The following KRTAP5-4 variants were observed in gnomAD, a reference collection of about 807,000 sequenced individuals.
KRTAP5-4 encodes the protein keratin associated protein 5-4.
In KRTAP5-4, 1 loss-of-function variant was observed where a neutral mutation model predicts 2.6. The ratio of observed to expected loss-of-function variants is 0.39; its 90% CI spans 0.14 to 1.85. The LOEUF is 1.85. Ranked by LOEUF, KRTAP5-4 falls within the 40% of genes most tolerant of loss-of-function variation. The pLI is 0.32. For missense variants in KRTAP5-4, 195 were observed against 276.9 expected, an observed-to-expected ratio of 0.70 and a Z score of 2.10; for synonymous variants, 83 against 113.1, an observed-to-expected ratio of 0.73 and a Z score of 1.69.
chr11:1,622,127 G>T lies in KRTAP5-4; in HGVS notation c.-34C>A, dbSNP rs776760590. On this transcript the variant is annotated 5_prime_UTR_variant, in exon 1 of 1. Transcript: ENST00000399682. ...TGGATTGAGGGTGGAGCAGGTAGAG[G>T]AGCAGATGAGATGGAGGTGCAGGTG... The T allele has an allele frequency of 1.9e-6, 3 of 1,606,934 alleles. No homozygotes were observed. The highest frequency in any genetic ancestry group is 2.5e-6 in the Non-Finnish European group (3 of 1,177,042).
chr11:1,621,609 T>C lies in KRTAP5-4; in HGVS notation c.485A>G (p.Lys162Arg). 6.2e-7 allele frequency: 1 copy of C among 1,613,724 alleles called. No individual in the cohort carries two copies. Among genetic ancestry groups the C allele is most frequent in the Non-Finnish European group, 8.5e-7 (1 of 1,179,812 alleles). ...GSSCCQSSCCKPCCSSSGCGS... is the reference protein window; with the variant it reads ...GSSCCQSSCCRPCCSSSGCGS... ...ACAACCTGAGGAGGAGCAGCAGGGC[T>C]TACAGCAGCTGGACTGGCAGCAGGA... The change falls in exon 1 of 1, where the codon AAG (lysine) becomes AGG (arginine). Residue 162 changes from lysine (K) to arginine (R), a missense_variant. Coordinates refer to ENST00000399682, the MANE Select transcript of KRTAP5-4 (RefSeq NM_001347674.1).
In KRTAP5-4 at chr11:1,621,614, G is replaced by T; in HGVS notation, c.480C>A (p.Cys160Ter). The T allele has an allele frequency of 6.2e-7, 1 of 1,613,860 alleles. No individual in the cohort carries two copies. Among genetic ancestry groups the T allele is most frequent in the Non-Finnish European group, 8.5e-7 (1 of 1,179,848 alleles). Residue 160 changes from cysteine to a stop codon, truncating the protein, a stop_gained, in exon 1 of 1, where the codon TGC becomes TGA. Coordinates refer to ENST00000399682, the MANE Select transcript of KRTAP5-4 (RefSeq NM_001347674.1). LOFTEE classifies it low-confidence loss of function (END_TRUNC). ...CTGAGGAGGAGCAGCAGGGCTTACA[G>T]CAGCTGGACTGGCAGCAGGATGACC... ...GCGSSCCQSS[C>*]CKPCCSSSGC...
rs6578597 is a variant in KRTAP5-4, at chr11:1,621,654, A to C, written c.440T>G (p.Phe147Cys). 0.69 allele frequency: 1,079,979 copies of C among 1,554,018 alleles called. 375,683 individuals carry two copies. The highest frequency in any genetic ancestry group is 0.77 in the Middle Eastern group (4,386 of 5,710). ...SQCSCCKPCC[F>C]SSGCGSSCCQ... ...GCAGGATGACCCACAGCCTGAAGAG[A>C]AGCAGCAGGGCTTACAGCAGCTGCA... Residue 147 changes from phenylalanine to cysteine, a missense_variant, in exon 1 of 1, where the codon TTC becomes TGC. Physicochemically the swap from Phe to Cys is radical, Grantham distance 205. Coordinates refer to ENST00000399682, the MANE Select transcript of KRTAP5-4 (RefSeq NM_001347674.1).
chr11:1,621,864 G>A lies in KRTAP5-4; in HGVS notation c.230C>T (p.Ser77Phe). 6.3e-7 allele frequency: 1 copy of A among 1,588,006 alleles called. No homozygotes were observed. Among genetic ancestry groups the A allele is most frequent in the Non-Finnish European group, 8.5e-7 (1 of 1,173,342 alleles). The change falls in exon 1 of 1, where the codon TCC becomes TTC. Residue 77 changes from serine to phenylalanine, a missense_variant. By Grantham distance (155) the Ser-to-Phe change is radical. Transcript: ENST00000399682. ...SCSSCGSCGG[S>F]KGGYGSCGGS... ...CCCACAAGAGCCATAGCCCCCCTTGGAGCCCCCACAGGAGCCACAGCTGGA... is the reference window on the plus strand; with the variant it reads ...CCCACAAGAGCCATAGCCCCCCTTGAAGCCCCCACAGGAGCCACAGCTGGA...
chr11:1,621,696 G>A lies in KRTAP5-4; in HGVS notation c.398C>T (p.Ser133Phe), dbSNP rs759441845. ...SCGGSKGGCG[S>F]CGCSQCSCCK... Reference sequence around the variant, plus strand: ...GCAGCTGCACTGGGAGCAGCCACAAGAGCCACAGCCTCCTTTGGAGCCCCC... The same window carrying A: ...GCAGCTGCACTGGGAGCAGCCACAAAAGCCACAGCCTCCTTTGGAGCCCCC... The change falls in exon 1 of 1, where the codon TCT becomes TTT. Residue 133 changes from serine to phenylalanine, a missense_variant. Physicochemically the swap from Ser to Phe is radical, Grantham distance 155. Coordinates refer to ENST00000399682, the MANE Select transcript of KRTAP5-4 (RefSeq NM_001347674.1). 6 of 1,613,330 alleles carry A rather than the reference G, an allele frequency of 3.7e-6. No individual in the cohort carries two copies. Among genetic ancestry groups the A allele is most frequent in the Non-Finnish European group, 5.1e-6 (6 of 1,179,780 alleles).
In KRTAP5-4 at chr11:1,621,384, A is replaced by G; in HGVS notation, c.*23T>C. The G allele has an allele frequency of 6.2e-7, 1 of 1,613,518 alleles. No individual in the cohort carries two copies. Among genetic ancestry groups the G allele is most frequent in the South Asian group, 1.1e-5 (1 of 91,058 alleles). ...TTGGAAGACAGGATTAGCAGGACTC[A>G]CATGAGGCCTGAGTCCAGAGCCTCA... On this transcript the variant is annotated 3_prime_UTR_variant, in exon 1 of 1. Coordinates refer to ENST00000399682, the MANE Select transcript of KRTAP5-4 (RefSeq NM_001347674.1).
Position 1,622,089 on chromosome 11 carries a change from C to G in KRTAP5-4, c.5G>C (p.Gly2Ala). Residue 2 changes from glycine (G) to alanine (A), a missense_variant, in exon 1 of 1, where the codon GGC (glycine) becomes GCC (alanine). Physicochemically the swap from Gly to Ala is moderately conservative, Grantham distance 60. Transcript: ENST00000399682. ...ACAGCCTCCAGAGCAGCCACAGCAG[C>G]CCATGGTTCTGGTGGATTGAGGGTG... M[G>A]CCGCSGGCGS... is the part of the protein sequence containing the mutation. The G allele has an allele frequency of 2.0e-5, 32 of 1,611,992 alleles. No individual in the cohort carries two copies. The highest frequency in any genetic ancestry group is 2.6e-5 in the Non-Finnish European group (31 of 1,179,670).
In KRTAP5-4 at chr11:1,621,962, G is replaced by A. The variant is rs1348143664; in HGVS notation, c.132C>T (p.Gly44=). The A allele has an allele frequency of 1.3e-6, 2 of 1,559,112 alleles. No individual in the cohort carries two copies. Among genetic ancestry groups the A allele is most frequent in the Admixed American group, 3.5e-5 (2 of 57,478 alleles). The change falls in exon 1 of 1, where the codon GGC becomes GGT. Residue 44 remains glycine, a synonymous_variant. Coordinates refer to ENST00000399682, the MANE Select transcript of KRTAP5-4 (RefSeq NM_001347674.1). ...TGGGCACACAGCAGCTGGAGCCACA[G>A]CCCCCACAGCCGGAGCCACAGCCCC... ...GCGGCGSGCG[G]CGSSCCVPIC...
Position 1,621,995 on chromosome 11 carries a change from G to A in KRTAP5-4, c.99C>T (p.Ser33=), listed in dbSNP as rs28421796. 40 of 1,313,256 alleles carry A rather than the reference G, an allele frequency of 3.0e-5. No homozygotes were observed. The highest frequency in any genetic ancestry group is 9.1e-5 in the East Asian group (3 of 33,136). 81.4% of individuals were successfully genotyped at this position (1,313,256 alleles called of 1,614,324 possible). A position where few individuals can be genotyped will look rare whatever the true frequency, so the allele number is the denominator to read the frequency against. The change falls in exon 1 of 1, where the codon TCC becomes TCT. Residue 33 remains serine, a synonymous_variant. Transcript: ENST00000399682. ...AGCCGGAGCCACAGCCCCCACAGCC[G>A]GAGCCACAGCCCCCACAGCCAGAGC... The part of the protein sequence containing the change: ...GCGSGCGGCG[S]GCGGCGSGCG...
chr11:1,622,040 G>A lies in KRTAP5-4; in HGVS notation c.54C>T (p.Gly18=), dbSNP rs200863415. ...CAGAGCCACAGCCCCCACAGCCGGA[G>A]CCACAGCCCCCACAGCCGGAGCCAC... ...GGCGSGCGGC[G]SGCGGCGSGC... The change falls in exon 1 of 1, where the codon GGC becomes GGT. Residue 18 remains glycine, a synonymous_variant. Coordinates refer to ENST00000399682, the MANE Select transcript of KRTAP5-4 (RefSeq NM_001347674.1). 1,055 of 1,555,328 alleles carry A rather than the reference G, an allele frequency of 6.8e-4. 4 individuals carry two copies. The highest frequency in any genetic ancestry group is 6.5e-3 in the Admixed American group (372 of 56,958).
rs963347413 is a variant in KRTAP5-4 at position 1,620,994 on chromosome 11, A to G, written c.*413T>C. Reference sequence around the variant, plus strand: ...CGAGACTCCATCTCAAAAAAAAAAAAAAAAAAAAAAAGATACAGCAGAGTG... The same window carrying G: ...CGAGACTCCATCTCAAAAAAAAAAAGAAAAAAAAAAAGATACAGCAGAGTG... On this transcript the variant is annotated 3_prime_UTR_variant, in exon 1 of 1. Coordinates refer to ENST00000399682, the MANE Select transcript of KRTAP5-4 (RefSeq NM_001347674.1). The G allele has an allele frequency of 7.0e-5, 12 of 171,094 alleles. No homozygotes were observed. Among genetic ancestry groups the G allele is most frequent in the African/African-American group, 2.9e-4 (12 of 41,440 alleles). 10.6% of individuals were successfully genotyped at this position (171,094 alleles called of 1,614,324 possible).
At position 1,621,277 on chromosome 11, in the gene KRTAP5-4, G is replaced by A. The variant is rs1849593399; in HGVS notation, c.*130C>T. On this transcript the variant is annotated 3_prime_UTR_variant, in exon 1 of 1. Coordinates refer to ENST00000399682, the MANE Select transcript of KRTAP5-4 (RefSeq NM_001347674.1). ...GGTGGACTCTTCTTAGGAAAAGGCA[G>A]CCAGATATGGCATCGTTCTACAGCA... 2.0e-6 allele frequency: 3 copies of A among 1,518,850 alleles called. No individual in the cohort carries two copies. Among genetic ancestry groups the A allele is most frequent in the African/African-American group, 2.8e-5 (2 of 72,430 alleles). The allele number at this position is 1,518,850 out of a possible 1,614,324, so 94.1% of individuals were successfully genotyped here. A position where few individuals can be genotyped will look rare whatever the true frequency, so the allele number is the denominator to read the frequency against.
Position 1,621,921 on chromosome 11 carries a change from G to A in KRTAP5-4, c.173C>T (p.Pro58Leu). The A allele has an allele frequency of 6.2e-7, 1 of 1,606,326 alleles. No individual in the cohort carries two copies. Among genetic ancestry groups the A allele is most frequent in the Non-Finnish European group, 8.5e-7 (1 of 1,178,594 alleles). The change falls in exon 1 of 1, where the codon CCT (proline) becomes CTT (leucine). Residue 58 changes from proline (P) to leucine (L), a missense_variant. Transcript: ENST00000399682. ...SCCVPICCCK[P>L]VCCCVPACSC... ...ACAGGCTGGCACACAGCAGCACACA[G>A]GTTTGCAGCAGCAGATGGGCACACA...
Position 1,621,581 on chromosome 11 carries a change from C to T in KRTAP5-4, c.513G>A (p.Gly171=), listed in dbSNP as rs756632978. 4 of 1,612,724 alleles carry T rather than the reference C, an allele frequency of 2.5e-6. No homozygotes were observed. In the South Asian group the frequency reaches 3.3e-5, roughly 13 times the overall value. The change falls in exon 1 of 1, where the codon GGG becomes GGA. Residue 171 remains glycine (G), a synonymous_variant. Coordinates refer to ENST00000399682, the MANE Select transcript of KRTAP5-4 (RefSeq NM_001347674.1). ...AGCAGCTGGACTGGCAGCAGGATGA[C>T]CCACAACCTGAGGAGGAGCAGCAGG... is the stretch of plus-strand genomic sequence containing the variant. The part of the protein sequence containing the change: ...CKPCCSSSGC[G]SSCCQSSCCK...
rs758398477 is a variant in KRTAP5-4, at chr11:1,621,999, C to A, written c.95G>T (p.Gly32Val). Residue 32 changes from glycine to valine, a missense_variant, in exon 1 of 1, where the codon GGC becomes GTC. Coordinates refer to ENST00000399682, the MANE Select transcript of KRTAP5-4 (RefSeq NM_001347674.1). Reference sequence around the variant, plus strand: ...GGAGCCACAGCCCCCACAGCCGGAGCCACAGCCCCCACAGCCAGAGCCACA... The same window carrying A: ...GGAGCCACAGCCCCCACAGCCGGAGACACAGCCCCCACAGCCAGAGCCACA... The part of the protein sequence containing the change: ...GGCGSGCGGC[G>V]SGCGGCGSGC... 3.0e-6 allele frequency: 4 copies of A among 1,336,092 alleles called. No homozygotes were observed. Among genetic ancestry groups the A allele is most frequent in the Non-Finnish European group, 4.1e-6 (4 of 978,882 alleles). The allele number at this position is 1,336,092 out of a possible 1,614,324, so 82.8% of individuals were successfully genotyped here. A position where few individuals can be genotyped will look rare whatever the true frequency, so the allele number is the denominator to read the frequency against.
chr11:1,621,893 G>C lies in KRTAP5-4; in HGVS notation c.201C>G (p.Ser67=). Residue 67 remains serine, a synonymous_variant, in exon 1 of 1, where the codon TCC becomes TCG. Transcript: ENST00000399682. ...CCCCACAGGAGCCACAGCTGGAGCA[G>C]GAACAGGCTGGCACACAGCAGCACA... ...KPVCCCVPAC[S]CSSCGSCGGS... 1 of 1,604,002 alleles carries C rather than the reference G, an allele frequency of 6.2e-7. No homozygotes were observed. The highest frequency in any genetic ancestry group is 1.4e-5 in the African/African-American group (1 of 71,748).
chr11:1,621,314 C>T lies in KRTAP5-4; in HGVS notation c.*93G>A, dbSNP rs1849594035. On this transcript the variant is annotated 3_prime_UTR_variant, in exon 1 of 1. Coordinates refer to ENST00000399682, the MANE Select transcript of KRTAP5-4 (RefSeq NM_001347674.1). Reference sequence around the variant, plus strand: ...ATCGTTCTACAGCAGGGAATGGACCCTGAGCAATGATTTGGGGCTCAACAA... The same window carrying T: ...ATCGTTCTACAGCAGGGAATGGACCTTGAGCAATGATTTGGGGCTCAACAA... 17 of 1,580,954 alleles carry T rather than the reference C, an allele frequency of 1.1e-5. No homozygotes were observed. Among genetic ancestry groups the T allele is most frequent in the Non-Finnish European group, 1.2e-5 (14 of 1,161,686 alleles).
Position 1,621,758 on chromosome 11 carries a change from GCC to G in KRTAP5-4, c.334_335del (p.Gly112LeufsTer31). The G allele has an allele frequency of 6.3e-7, 1 of 1,589,412 alleles. No individual in the cohort carries two copies. The highest frequency in any genetic ancestry group is 1.4e-5 in the African/African-American group (1 of 70,272). Reference sequence around the variant, plus strand: ...AGCCCCCCTTGGAACCCCCACAGGAGCCACAGCCCCCCTTGGAGCCCCCACAG... The same window carrying G: ...AGCCCCCCTTGGAACCCCCACAGGAGACAGCCCCCCTTGGAGCCCCCACAG... ...GSCGGSKGGCGSCGGSKGGCG... is the reference protein window; with the variant it reads ...GSCGGSKGGCXSCGGSKGGCG... On this transcript the variant is annotated frameshift_variant, in exon 1 of 1. Coordinates refer to ENST00000399682, the MANE Select transcript of KRTAP5-4 (RefSeq NM_001347674.1). LOFTEE classifies it low-confidence loss of function (END_TRUNC).
chr11:1,621,495 C>A lies in KRTAP5-4; in HGVS notation c.599G>T (p.Gly200Val). 6.2e-7 allele frequency: 1 copy of A among 1,613,446 alleles called. No homozygotes were observed. Among genetic ancestry groups the A allele is most frequent in the Non-Finnish European group, 8.5e-7 (1 of 1,179,748 alleles). The part of the protein sequence containing the change: ...CKPCCSSSGC[G>V]SSCCQSSCCN... The stretch of plus-strand genomic sequence containing the variant: ...GCAACTGGACTGGCAGCAGGATGAC[C>A]CACAACCTGAGGAGGAGCAGCAGGG... The change falls in exon 1 of 1, where the codon GGG becomes GTG. Residue 200 changes from glycine to valine, a missense_variant. By Grantham distance (109) the Gly-to-Val change is moderately radical. Coordinates refer to ENST00000399682, the MANE Select transcript of KRTAP5-4 (RefSeq NM_001347674.1).
Sources: gnomAD v4.1 joint callset for allele counts on GRCh38, gnomAD v4.1.1 for gene constraint, MANE v1.5 for transcripts, NCBI Gene and HGNC (gene_info 2026-07-23, HGNC 2026-07-21) for gene names.